The following RUFY3 variants were observed in gnomAD, a reference collection of about 807,000 sequenced individuals.
The protein encoded by RUFY3 is RUN and FYVE domain containing 3, also known as protein RUFY3.
In RUFY3, 34 loss-of-function variants were observed where a neutral mutation model predicts 84.0. The observed-to-expected ratio is 0.40, with a 90% CI of 0.31 to 0.54. The LOEUF is 0.54. RUFY3 is among the 20% of genes least tolerant of loss of function. RUFY3 has a pLI of 0.39. For synonymous variants in RUFY3, 242 were observed against 252.9 expected (o/e 0.96, Z 0.41); for missense variants, 507 against 736.8 (o/e 0.69, Z 3.61).
At chr4:70,800,886 A>G (rs142168709) in intron 15 of RUFY3, among the ~76,000 whole-genome samples, 1 of 149,456 alleles carries the variant, frequency 6.7e-6, no homozygotes, top group African/African-American at 2.4e-5. Flanking sequence ...TGTCTCAAAT[A>G]AAAAAAAAAG....
chr4:70,767,993 A>G (rs981450416), intron 4 of RUFY3, among the ~76,000 whole-genome samples: 13 of 151,854 alleles, frequency 8.6e-5, no homozygotes, highest in African/African-American at 2.4e-4. Context: ...ATTTTTATCC[A>G]TTCAGATTTT....
chr4:70,705,516 G>A (rs1740200865), intron 1 of RUFY3, among the ~76,000 whole-genome samples: 1 of 152,146 alleles, frequency 6.6e-6, no homozygotes, highest in Non-Finnish European at 1.5e-5. Context: ...CTACCTCCGC[G>A]TCTCCCCAGG....
intron 10 of RUFY3, among the ~76,000 whole-genome samples, chr4:70,787,495 T>C (rs1730099857): frequency 6.6e-6 from 1 of 151,854 alleles, no homozygotes; most frequent in Non-Finnish European, 1.5e-5. Context: ...GACCTTGTAA[T>C]TGTGATCCGC....
intron 4 of RUFY3, 115 bp from the exon 5 acceptor site, chr4:70,768,423 G>A (rs1217925272): frequency 1.2e-6 from 1 of 811,220 alleles, no homozygotes; most frequent in East Asian, 2.7e-5. Flanking sequence ...TTTTGTAGAT[G>A]GCTATAATCA....
upstream of RUFY3, chr4:70,704,285 T>TA (rs1484404359): frequency 6.6e-6 from 1 of 152,264 alleles, no homozygotes; most frequent in African/African-American, 2.4e-5. Context: ...GTTTCTCACA[T>TA]AAAGAGCTCA....
At chr4:70,705,286 G>A (rs1282356949) in exon 1 of RUFY3, 1 of 1,417,494 alleles carries the variant, frequency 7.1e-7, no homozygotes, top group Non-Finnish European at 9.2e-7. Flanking sequence ...AGCGGCAGCG[G>A]CAAGCACCGT....
At chr4:70,798,231 T>C (rs983110788) in intron 14 of RUFY3, among the ~76,000 whole-genome samples, 1 of 151,440 alleles carries the variant, frequency 6.6e-6, no homozygotes, top group Non-Finnish European at 1.5e-5. Flanking sequence ...TATCTCGGTG[T>C]GGTGGCTCGT....
chr4:70,715,206 A>G (rs1741422192), intron 1 of RUFY3, among the ~76,000 whole-genome samples: 1 of 152,188 alleles, frequency 6.6e-6, no homozygotes, highest in South Asian at 2.1e-4. Flanking sequence ...AATAATCATG[A>G]TCATTGAGTT....
chr4:70,804,395 G>A lies in RUFY3; in HGVS notation c.1698G>A (p.Gln566=), dbSNP rs1560580788. The change falls in exon 17 of 18, where the codon CAG becomes CAA. Residue 566 remains glutamine (Q), a synonymous_variant. Coordinates refer to ENST00000381006, the MANE Select transcript of RUFY3 (RefSeq NM_001037442.4). ...AGCCACAGTTGTGTCAGCTATGCCA[G>A]GAAGACGGCAGCCTAACAAAGGTAA... ...SEKPQLCQLC[Q]EDGSLTKNVC... 1 of 1,613,978 alleles carries A rather than the reference G, an allele frequency of 6.2e-7. No homozygotes were observed.
intron 14 of RUFY3, among the ~76,000 whole-genome samples, chr4:70,797,916 T>TA (rs1424670207): frequency 6.6e-6 from 1 of 152,166 alleles, no homozygotes; most frequent in African/African-American, 2.4e-5. Flanking sequence ...TTAGTGAACA[T>TA]AAAATCTAAA....
chr4:70,738,921 G>GACA (rs1315754607), intron 1 of RUFY3, among the ~76,000 whole-genome samples: 10 of 151,192 alleles, frequency 6.6e-5, no homozygotes, highest in African/African-American at 2.4e-4. Flanking sequence ...TCCCTATATT[G>GACA]AGTAGGCTGT....
chr4:70,775,700 C>T (rs1368395522), intron 7 of RUFY3, among the ~76,000 whole-genome samples: 1 of 152,024 alleles, frequency 6.6e-6, no homozygotes, highest in African/African-American at 2.4e-5. Flanking sequence ...AGTCCCAACA[C>T]TTTGGGAGGC....
Position 70,808,195 on chromosome 4 carries a change from T to C in RUFY3, c.*1536T>C, listed in dbSNP as rs1188954454. Among the ~76,000 whole-genome samples, 4 of 152,198 alleles carry C rather than the reference T, an allele frequency of 2.6e-5. No homozygotes were observed. Among genetic ancestry groups the C allele is most frequent in the Non-Finnish European group, 5.9e-5 (4 of 68,036 alleles). On this transcript the variant is annotated 3_prime_UTR_variant, in exon 18 of 18. Transcript: ENST00000381006. The stretch of plus-strand genomic sequence containing the variant: ...GCTTTTTTGGAACTTTGTGGAATTT[T>C]TCTTTTTCTGAATATTTTTGATTGG...
At chr4:70,756,662 C>T (rs945939206) in intron 1 of RUFY3, among the ~76,000 whole-genome samples, 1 of 152,164 alleles carries the variant, frequency 6.6e-6, no homozygotes, top group Non-Finnish European at 1.5e-5. Context: ...ACTCAAAAGT[C>T]TCATCCTCTG....
chr4:70,737,145 C>T, intron 1 of RUFY3, among the ~76,000 whole-genome samples: 1 of 152,056 alleles, frequency 6.6e-6, no homozygotes, highest in East Asian at 1.9e-4. Context: ...TTTTCTCATG[C>T]TGTATTAACA....
intron 4 of RUFY3, among the ~76,000 whole-genome samples, chr4:70,765,525 A>G (rs1367991637): frequency 1.3e-5 from 2 of 152,126 alleles, no homozygotes; most frequent in Non-Finnish European, 2.9e-5. Context: ...GTTAGCTGAG[A>G]TTTGGAAATG....
chr4:70,802,970 C>G lies in RUFY3; in HGVS notation c.1637C>G (p.Pro546Arg), dbSNP rs1447888549. The G allele has an allele frequency of 1.2e-6, 2 of 1,608,938 alleles. No individual in the cohort carries two copies. The highest frequency in any genetic ancestry group is 1.7e-6 in the Non-Finnish European group (2 of 1,177,344). Residue 546 changes from proline (P) to arginine (R), a missense_variant, in exon 16 of 18, where the codon CCT becomes CGT. Pro to Arg is a moderately radical substitution (Grantham distance 103, BLOSUM62 -2). Coordinates refer to ENST00000381006, the MANE Select transcript of RUFY3 (RefSeq NM_001037442.4). ...LEESHRLQPHPMDEQDQLLLS... is the reference protein window; with the variant it reads ...LEESHRLQPHRMDEQDQLLLS... ...CTCCATTGTAGGCTGCAACCCCACCCTATGGATGAACAGGTAACAGAGCCT... is the reference window on the plus strand; with the variant it reads ...CTCCATTGTAGGCTGCAACCCCACCGTATGGATGAACAGGTAACAGAGCCT...
upstream of RUFY3, among the ~76,000 whole-genome samples, chr4:70,717,242 A>G (rs923625975): frequency 4.6e-5 from 7 of 152,258 alleles, no homozygotes; most frequent in Non-Finnish European, 8.8e-5. Flanking sequence ...ATCTTTTTCT[A>G]TTTTGGAATT....
Position 70,722,640 on chromosome 4 carries a change from A to T in RUFY3, c.67A>T (p.Met23Leu). The change falls in exon 1 of 18, where the codon ATG becomes TTG. Residue 23 changes from methionine to leucine, a missense_variant. Around this residue, in one of 4 missense-constraint regions of RUFY3, gnomAD observed 133 missense variants for 301.1 expected, o/e 0.44. Coordinates refer to ENST00000381006, the MANE Select transcript of RUFY3 (RefSeq NM_001037442.4). The stretch of plus-strand genomic sequence containing the variant: ...CACTGACAAGATCACACAGGCTGCC[A>T]TGGAGACCATCTACCTTTGCAAATT... Reference protein sequence around the residue: ...PTTDKITQAAMETIYLCKFRV... With the variant: ...PTTDKITQAALETIYLCKFRV... The T allele has an allele frequency of 1.2e-6, 2 of 1,614,094 alleles. No homozygotes were observed. Among genetic ancestry groups the T allele is most frequent in the Non-Finnish European group, 1.7e-6 (2 of 1,180,014 alleles).
Sources: gnomAD v4.1 joint callset for allele counts (sites outside exome capture counted in the v4.1 genomes callset) on GRCh38, gnomAD v4.1.1 for gene constraint, gnomAD v4.1.1 regional missense constraint, MANE v1.5 for transcripts, NCBI Gene and HGNC (gene_info 2026-07-23, HGNC 2026-07-21) for gene names.